Variants in ARMH4 observed in about 807,000 individuals in gnomAD.
ARMH4 encodes armadillo like helical domain containing 4, also known as armadillo-like helical domain-containing protein 4.
A neutral mutation model predicts 61.9 loss-of-function variants in ARMH4; 49 were observed. The observed-to-expected ratio is 0.79, with a 90% CI of 0.63 to 1.00. The LOEUF is 1.00. Ranked by LOEUF, ARMH4 falls within the 50% of genes least tolerant of loss-of-function variation. ARMH4 has a pLI of 0.00. For missense variants in ARMH4, 934 were observed against 930.0 expected (o/e 1.00, Z -0.06); for synonymous variants, 368 against 341.5 (o/e 1.08, Z -0.85).
chr14:58,093,667 T>C (rs936075649), intron 5 of ARMH4, among the ~76,000 whole-genome samples: 3 of 152,212 alleles, frequency 2.0e-5, no homozygotes, highest in Non-Finnish European at 4.4e-5. Context: ...TTTAGTAAAC[T>C]GAACCATTTA....
intron 4 of ARMH4, among the ~76,000 whole-genome samples, chr14:58,113,828 A>T (rs1044650932): frequency 3.3e-5 from 5 of 151,826 alleles, no homozygotes; most frequent in African/African-American, 1.2e-4. Context: ...ATATTTCTAA[A>T]TTATATTTAT....
intron 4 of ARMH4, among the ~76,000 whole-genome samples, chr14:58,129,763 T>G (rs1887025817): frequency 6.6e-6 from 1 of 152,242 alleles, no homozygotes; most frequent in Non-Finnish European, 1.5e-5. Flanking sequence ...AAACATAAGT[T>G]GTACTCCTTG....
intron 5 of ARMH4, among the ~76,000 whole-genome samples, chr14:58,051,205 G>C (rs1490400865): frequency 1.3e-5 from 2 of 151,946 alleles, no homozygotes; most frequent in Non-Finnish European, 2.9e-5. Flanking sequence ...AGGTAAAAAT[G>C]GTTTGAAGAG....
intron 3 of ARMH4, 137 bp downstream of exon 3, chr14:58,132,952 TA>T: frequency 1.1e-6 from 1 of 877,450 alleles, no homozygotes; most frequent in Non-Finnish European, 1.8e-6. Flanking sequence ...CCTTTCCAGG[TA>T]AAGGTGTGTG....
At chr14:58,063,563 C>T (rs1386767661) in intron 5 of ARMH4, among the ~76,000 whole-genome samples, 2 of 150,246 alleles carry the variant, frequency 1.3e-5, no homozygotes, top group Admixed American at 1.3e-4. Context: ...AGCAGAAAAT[C>T]TGATTATCTG....
intron 4 of ARMH4, among the ~76,000 whole-genome samples, chr14:58,124,222 G>A (rs1886824296): frequency 2.0e-5 from 3 of 152,184 alleles, no homozygotes; most frequent in Non-Finnish European, 4.4e-5. Flanking sequence ...CAGCTTTCCA[G>A]GCCCTAAAGA....
At chr14:58,046,402 T>G (rs1010394010) in intron 5 of ARMH4, among the ~76,000 whole-genome samples, 17 of 152,308 alleles carry the variant, frequency 1.1e-4, no homozygotes, top group African/African-American at 3.8e-4. Flanking sequence ...TGTACTTTTC[T>G]TCCAAGAACA....
chr14:58,135,408 T>C (rs1052114329), intron 2 of ARMH4, among the ~76,000 whole-genome samples: 1 of 152,234 alleles, frequency 6.6e-6, no homozygotes, highest in Non-Finnish European at 1.5e-5. Flanking sequence ...GTGTTCTCTA[T>C]GTTGCCCTCA....
chr14:58,113,886 T>A (rs1886431161), intron 4 of ARMH4, among the ~76,000 whole-genome samples: 2 of 152,014 alleles, frequency 1.3e-5, no homozygotes, highest in Admixed American at 1.3e-4. Flanking sequence ...GCTGGGTCAT[T>A]TTTGATAGTG....
Position 58,152,076 on chromosome 14 carries a change from T to A in ARMH4, c.-58A>T, listed in dbSNP as rs1438198514. On this transcript the variant is annotated splice_region_variant and 5_prime_UTR_variant, in exon 1 of 8. Transcript: ENST00000267485. ...GGCCGGAGCCGGGCCCGTCCTCACC[T>A]GTGCGCCTTCAGCTGAGCAGCGCGC... 6.5e-6 allele frequency: 1 copy of A among 153,518 alleles called. No homozygotes were observed. Among genetic ancestry groups the A allele is most frequent in the East Asian group, 1.9e-4 (1 of 5,206 alleles). 9.5% of individuals were successfully genotyped at this position (153,518 alleles called of 1,614,324 possible).
chr14:58,088,831 TTAAAAG>T (rs1422971856), intron 5 of ARMH4, among the ~76,000 whole-genome samples: 2 of 152,194 alleles, frequency 1.3e-5, no homozygotes, highest in East Asian at 3.8e-4. Context: ...TGAAAGATCA[TTAAAAG>T]TAATGTACAT....
intron 6 of ARMH4, among the ~76,000 whole-genome samples, chr14:58,007,027 G>C (rs1435125150): frequency 6.6e-6 from 1 of 152,084 alleles, no homozygotes; most frequent in Non-Finnish European, 1.5e-5. Context: ...TTCCATGTGG[G>C]AAAATACTGA....
chr14:58,076,649 GT>G (rs931256232), intron 5 of ARMH4, among the ~76,000 whole-genome samples: 1 of 152,110 alleles, frequency 6.6e-6, no homozygotes, highest in Admixed American at 6.5e-5. Context: ...CAGTAAAGTT[GT>G]TTTTTTAAAA....
At chr14:58,125,356 A>G (rs1020966774) in intron 4 of ARMH4, among the ~76,000 whole-genome samples, 3 of 152,148 alleles carry the variant, frequency 2.0e-5, no homozygotes, top group African/African-American at 4.8e-5. Flanking sequence ...ACCAATAGAA[A>G]TTACTTAAAA....
chr14:58,134,408 G>T (rs1434149074), intron 2 of ARMH4, among the ~76,000 whole-genome samples: 1 of 152,076 alleles, frequency 6.6e-6, no homozygotes, highest in Admixed American at 6.5e-5. Flanking sequence ...ATAATACTCT[G>T]CTTTCTCTTC....
intron 5 of ARMH4, among the ~76,000 whole-genome samples, chr14:58,027,880 G>A (rs1171058743): frequency 6.6e-6 from 1 of 152,140 alleles, no homozygotes; most frequent in Non-Finnish European, 1.5e-5. Context: ...CAGTTAATAT[G>A]CTCAAAGGCA....
At chr14:58,130,187 G>A (rs1201450966) in intron 4 of ARMH4, among the ~76,000 whole-genome samples, 1 of 152,104 alleles carries the variant, frequency 6.6e-6, no homozygotes, top group Non-Finnish European at 1.5e-5. Context: ...TATATGAGAC[G>A]CTAAACTCAA....
intron 5 of ARMH4, among the ~76,000 whole-genome samples, chr14:58,030,963 T>C (rs1209315637): frequency 6.6e-6 from 1 of 152,236 alleles, no homozygotes; most frequent in African/African-American, 2.4e-5. Flanking sequence ...TCTGTGACTC[T>C]GCTTTCAATT....
chr14:58,074,469 T>C (rs1021961231), intron 5 of ARMH4, among the ~76,000 whole-genome samples: 25 of 151,096 alleles, frequency 1.7e-4, no homozygotes, highest in South Asian at 8.3e-4. Flanking sequence ...TTTTTTTTTT[T>C]AGTTTAATTT....
Sources: gnomAD v4.1 joint callset for allele counts (sites outside exome capture counted in the v4.1 genomes callset) on GRCh38, gnomAD v4.1.1 for gene constraint, MANE v1.5 for transcripts, NCBI Gene and HGNC (gene_info 2026-07-23, HGNC 2026-07-21) for gene names.